Variants in ZNF519 observed in about 807,000 individuals in gnomAD.
ZNF519 encodes the protein similar to Zinc finger protein 85 (Zinc finger protein HPF4) (HTF1).
ZNF519 carries 7 observed loss-of-function variants against 7.4 expected under a neutral mutation model. That is an observed-to-expected ratio of 0.94 (90% CI 0.54 to 1.77). The LOEUF (loss-of-function observed/expected upper bound fraction) is 1.77. ZNF519 is among the 40% of genes most tolerant of loss of function. The pLI, the probability that ZNF519 is intolerant of heterozygous loss-of-function variation, is 0.00. For synonymous variants in ZNF519, 179 were observed against 203.3 expected, an observed-to-expected ratio of 0.88 and a Z score of 1.02; for missense variants, 586 against 623.1, an observed-to-expected ratio of 0.94 and a Z score of 0.63.
At chr18:14,122,287 A>AT (rs573657378) in intron 2 of ZNF519, 5 of 152,178 alleles carry the variant, frequency 3.3e-5, no homozygotes, top group Admixed American at 6.5e-5. Context: ...TTCTGATAAA[A>AT]TTGCTGAGTA....
At chr18:14,112,597 T>C (rs576162149) in intron 2 of ZNF519, among the ~76,000 whole-genome samples, 1 of 152,212 alleles carries the variant, frequency 6.6e-6, no homozygotes, top group East Asian at 1.9e-4. Context: ...TTAGTCAAGA[T>C]ATAGGATTAA....
rs561912530 is a variant in ZNF519, at chr18:14,101,333, C to T, written c.*3584G>A. ...TCCAGATTTAGGGCTGATTTATTTC[C>T]GCACTCAGAGGGATAAAGGGGGGCC... On this transcript the variant is annotated 3_prime_UTR_variant, in exon 3 of 3. Transcript: ENST00000590202. 8 of 179,750 alleles carry T rather than the reference C, an allele frequency of 4.5e-5. No individual in the cohort carries two copies. The highest frequency in any genetic ancestry group is 2.0e-4 in the South Asian group (1 of 5,100). 11.1% of individuals were successfully genotyped at this position (179,750 alleles called of 1,614,324 possible). A position where few individuals can be genotyped will look rare whatever the true frequency, so the allele number is the denominator to read the frequency against.
At chr18:14,107,409 C>T (rs777326829) in intron 2 of ZNF519, among the ~76,000 whole-genome samples, 18 of 152,132 alleles carry the variant, frequency 1.2e-4, no homozygotes, top group African/African-American at 4.1e-4. Flanking sequence ...AAAGAGCCCT[C>T]GACCTGGAAT....
intron 1 of ZNF519, among the ~76,000 whole-genome samples, chr18:14,130,463 G>A (rs2046323742): frequency 6.6e-6 from 1 of 151,904 alleles, no homozygotes; most frequent in South Asian, 2.1e-4. Context: ...TAAAAAAACC[G>A]AAGTTGAAAT....
chr18:14,129,621 A>C (rs1464753418), intron 1 of ZNF519, among the ~76,000 whole-genome samples: 2 of 152,110 alleles, frequency 1.3e-5, no homozygotes, highest in Admixed American at 6.5e-5. Flanking sequence ...CACAAAACGT[A>C]AGGAGTTTGC....
chr18:14,126,094 G>C (rs1168012179), intron 1 of ZNF519, among the ~76,000 whole-genome samples: 1 of 152,158 alleles, frequency 6.6e-6, no homozygotes, highest in Non-Finnish European at 1.5e-5. Flanking sequence ...GGCAGTAGGG[G>C]TAGTCACTCC....
chr18:14,095,003 G>A (rs901922232), downstream of ZNF519, among the ~76,000 whole-genome samples: 5 of 152,214 alleles, frequency 3.3e-5, no homozygotes, highest in African/African-American at 9.6e-5. Flanking sequence ...AATTATGTCC[G>A]TAAGATTATA....
chr18:14,124,567 A>G, intron 1 of ZNF519, 91 bp from the exon 2 acceptor site: 1 of 1,438,406 alleles, frequency 7.0e-7, no homozygotes. Flanking sequence ...GTGGCTGACT[A>G]GGATTATCTG....
chr18:14,122,523 T>C (rs1412963061), intron 2 of ZNF519: 4 of 151,148 alleles, frequency 2.6e-5, no homozygotes, highest in African/African-American at 7.3e-5. Context: ...CCAAAACCAA[T>C]GGAAAAGCAG....
chr18:14,130,057 A>G (rs1161539639), intron 1 of ZNF519, among the ~76,000 whole-genome samples: 1 of 152,130 alleles, frequency 6.6e-6, no homozygotes, highest in African/African-American at 2.4e-5. Context: ...CTTAACGAAA[A>G]GAGACACCCT....
downstream of ZNF519, among the ~76,000 whole-genome samples, chr18:14,096,810 G>A (rs1393139707): frequency 1.3e-5 from 2 of 152,202 alleles, no homozygotes; most frequent in African/African-American, 2.4e-5. Flanking sequence ...ATGAAAGAGG[G>A]AGAGGACAGC....
rs553078731 is a variant in ZNF519, at chr18:14,113,717, A to G, written c.131-7308T>C. Among the ~76,000 whole-genome samples the G allele has an allele frequency of 4.1e-5, 6 of 146,720 alleles. No homozygotes were observed. The East Asian group carries it at 1.2e-3, about 29-fold the overall frequency. On this transcript the variant is annotated intron_variant, in intron 2 of 2. Coordinates refer to ENST00000590202, the MANE Select transcript of ZNF519 (RefSeq NM_145287.4). Reference sequence around the variant, plus strand: ...TTTTTTTTTTTTTTTGAGGAACTCTAAACTGTTCTCCATAGTAGCTGTAAT... The same window carrying G: ...TTTTTTTTTTTTTTTGAGGAACTCTGAACTGTTCTCCATAGTAGCTGTAAT...
intron 1 of ZNF519, among the ~76,000 whole-genome samples, chr18:14,131,906 T>G (rs1027253387): frequency 1.3e-5 from 2 of 152,238 alleles, no homozygotes; most frequent in Non-Finnish European, 2.9e-5. Context: ...AAGCTGTCTA[T>G]GTTTTAATGG....
intron 2 of ZNF519, among the ~76,000 whole-genome samples, chr18:14,088,910 T>C (rs2046102552): frequency 6.6e-6 from 1 of 152,200 alleles, no homozygotes; most frequent in African/African-American, 2.4e-5. Context: ...AGTTTGATTT[T>C]TTTAGGAATA....
At chr18:14,096,601 A>AAACACCTGGGCTTGAGCAATCCTCC (rs2046137798), downstream of ZNF519, among the ~76,000 whole-genome samples, 1 of 152,098 alleles carries the variant, frequency 6.6e-6, no homozygotes, top group African/African-American at 2.4e-5. Context: ...CTGCAGCCTC[A>AAACACCTGGGCTTGAGCAATCCTCC]AACACCTGGG....
intron 3 of ZNF519, among the ~76,000 whole-genome samples, chr18:14,079,141 G>A (rs1464260888): frequency 6.6e-6 from 1 of 152,136 alleles, no homozygotes; most frequent in African/African-American, 2.4e-5. Flanking sequence ...TCCTGTTTGT[G>A]ATCAGACATG....
intron 1 of ZNF519, among the ~76,000 whole-genome samples, chr18:14,127,158 C>A (rs1380311608): frequency 6.6e-6 from 1 of 152,194 alleles, no homozygotes; most frequent in African/African-American, 2.4e-5. Context: ...TGACCTCCCA[C>A]TGCTAAGGTG....
chr18:14,087,616 G>A (rs765264899), intron 2 of ZNF519, among the ~76,000 whole-genome samples: 1 of 152,106 alleles, frequency 6.6e-6, no homozygotes, highest in East Asian at 1.9e-4. Context: ...TACTGATGTT[G>A]CCATGATTAA....
chr18:14,079,158 A>G (rs890917295), intron 3 of ZNF519, among the ~76,000 whole-genome samples: 3 of 152,208 alleles, frequency 2.0e-5, no homozygotes, highest in African/African-American at 7.2e-5. Context: ...CATGTGGCCC[A>G]CAGAGGTGAC....
Sources: gnomAD v4.1 joint callset for allele counts (sites outside exome capture counted in the v4.1 genomes callset) on GRCh38, gnomAD v4.1.1 for gene constraint, MANE v1.5 for transcripts, NCBI Gene and HGNC (gene_info 2026-07-23, HGNC 2026-07-21) for gene names.